The following CEACAM8 variants were observed in gnomAD, a reference collection of about 807,000 sequenced individuals.
CEACAM8 encodes the protein CEA cell adhesion molecule 8.
Under a neutral mutation model 33.4 loss-of-function variants are expected in CEACAM8, and 31 were observed. The observed-to-expected ratio is 0.93, with a 90% CI of 0.70 to 1.25. CEACAM8 has a LOEUF of 1.25. Among genes scored for constraint, CEACAM8 ranks in the 50% most tolerant of loss-of-function variants. CEACAM8 has a pLI of 0.00. For synonymous variants in CEACAM8, 138 were observed against 164.5 expected, an observed-to-expected ratio of 0.84 and a Z score of 1.23; for missense variants, 388 against 434.6, an observed-to-expected ratio of 0.89 and a Z score of 0.95.
At chr19:42,591,337 A>T (rs2042434360) in intron 2 of CEACAM8, among the ~76,000 whole-genome samples, 1 of 152,208 alleles carries the variant, frequency 6.6e-6, no homozygotes, top group South Asian at 2.1e-4. Context: ...AAGATCCTGA[A>T]GTTCGCTTGA....
chr19:42,581,823 G>GAGGTTGCA (rs1432199773), intron 5 of CEACAM8, among the ~76,000 whole-genome samples: 2 of 137,846 alleles, frequency 1.5e-5, no homozygotes, highest in African/African-American at 2.8e-5. Context: ...CTGGGAAGCA[G>GAGGTTGCA]AGGTTGCAGT....
At chr19:42,589,886 A>G in intron 2 of CEACAM8, 151 bp from the exon 3 acceptor site, 2 of 1,479,378 alleles carry the variant, frequency 1.4e-6, no homozygotes, top group African/African-American at 2.8e-5. Context: ...ACAGATGCAC[A>G]ATGATCGGGG....
rs1349927082 is a variant in CEACAM8 at position 42,588,095 on chromosome 19, C to G, written c.958+689G>C. On this transcript the variant is annotated intron_variant, in intron 4 of 5. Coordinates refer to ENST00000244336, the MANE Select transcript of CEACAM8 (RefSeq NM_001816.4). ...ATCCACAGCCTCATGCAGCCCGTGA[C>G]TTCAGAGCTAGGACACTGCTCAGGA... Among the ~76,000 whole-genome samples, 6 of 152,210 alleles carry G rather than the reference C, an allele frequency of 3.9e-5. 1 individual carries two copies. The highest frequency in any genetic ancestry group is 1.2e-4 in the African/African-American group (5 of 41,452).
intron 4 of CEACAM8, among the ~76,000 whole-genome samples, chr19:42,586,084 A>G (rs1411270227): frequency 6.6e-6 from 1 of 152,204 alleles, no homozygotes. Context: ...GCTGAAGGAA[A>G]TTAAATACGA....
chr19:42,585,971 GA>G (rs1336647567), intron 4 of CEACAM8, among the ~76,000 whole-genome samples: 1 of 151,932 alleles, frequency 6.6e-6, no homozygotes, highest in African/African-American at 2.4e-5. Flanking sequence ...AGGAAATTAA[GA>G]AAAAAATTTT....
rs1222878021 is a variant in CEACAM8 at position 42,588,772 on chromosome 19, G to A, written c.958+12C>T. ...AGAAAACATACTGCCAGTGCTCCAG[G>A]GATCCACTTACCAGAGACTGTGATC... On this transcript the variant is annotated intron_variant, in intron 4 of 5. Coordinates refer to ENST00000244336, the MANE Select transcript of CEACAM8 (RefSeq NM_001816.4). 1.9e-6 allele frequency: 3 copies of A among 1,613,624 alleles called. No individual in the cohort carries two copies. The highest frequency in any genetic ancestry group is 3.3e-5 in the Admixed American group (2 of 60,020).
intron 5 of CEACAM8, among the ~76,000 whole-genome samples, chr19:42,582,892 A>T (rs2042279677): frequency 6.6e-6 from 1 of 152,220 alleles, no homozygotes; most frequent in African/African-American, 2.4e-5. Context: ...GTCAAGCAGG[A>T]CTTCGAGCAG....
intron 4 of CEACAM8, among the ~76,000 whole-genome samples, chr19:42,584,682 G>C (rs1341090966): frequency 6.6e-6 from 1 of 152,224 alleles, no homozygotes; most frequent in Non-Finnish European, 1.5e-5. Flanking sequence ...TGAGGAATCA[G>C]AGGCTCAGAG....
Position 42,583,205 on chromosome 19 carries a change from C to A in CEACAM8, c.*40+1G>T. 2.3e-6 allele frequency: 3 copies of A among 1,300,638 alleles called. No individual in the cohort carries two copies. The highest frequency in any genetic ancestry group is 3.3e-6 in the Non-Finnish European group (3 of 901,950). The allele number at this position is 1,300,638 out of a possible 1,614,324, so 80.6% of individuals were successfully genotyped here. A position where few individuals can be genotyped will look rare whatever the true frequency, so the allele number is the denominator to read the frequency against. On this transcript the variant is annotated splice_donor_variant, in intron 5 of 5. Transcript: ENST00000244336. LOFTEE classifies it low-confidence loss of function (3UTR_SPLICE). ...CAGGACAAGAGGAAAGGCCATCATA[C>A]CTGCCAGTCTTCTTGAAATGCAGAA...
Position 42,593,560 on chromosome 19 carries a change from A to C in CEACAM8, c.405T>G (p.Thr135=). The change falls in exon 2 of 6, where the codon ACT becomes ACG. Residue 135 remains threonine, a synonymous_variant. Transcript: ENST00000244336. The part of the protein sequence containing the change: ...IKLNLMSEEV[T]GQFSVHPETP... ...ACTCACGATGTACGCTGAACTGGCC[A>C]GTTACTTCTTCACTCATAAGATTTA... 1 of 1,576,248 alleles carries C rather than the reference A, an allele frequency of 6.3e-7. No individual in the cohort carries two copies. The highest frequency in any genetic ancestry group is 8.6e-7 in the Non-Finnish European group (1 of 1,159,228).
chr19:42,589,167 C>A, intron 3 of CEACAM8, 129 bp from the exon 4 acceptor site: 1 of 1,159,254 alleles, frequency 8.6e-7, no homozygotes, highest in Non-Finnish European at 1.2e-6. Context: ...CAACCCCAAC[C>A]AAACCCCCGC....
At chr19:42,581,914 A>AAAAAAAAAAAAAAAAAC (rs2042263180) in intron 5 of CEACAM8, among the ~76,000 whole-genome samples, 1 of 91,252 alleles carries the variant, frequency 1.1e-5, no homozygotes, top group Non-Finnish European at 2.0e-5. Flanking sequence ...AAAAAAAAAA[A>AAAAAAAAAAAAAAAAAC]AAAAAAATAT....
chr19:42,584,049 G>A (rs192645749), intron 4 of CEACAM8, among the ~76,000 whole-genome samples: 2 of 152,124 alleles, frequency 1.3e-5, no homozygotes, highest in African/African-American at 4.8e-5. Flanking sequence ...ATCTCATCTT[G>A]GTTGCATCTC....
chr19:42,589,789 C>T (rs2042403119), intron 2 of CEACAM8, 54 bp from the exon 3 acceptor site: 1 of 1,611,610 alleles, frequency 6.2e-7, no homozygotes, highest in Admixed American at 1.7e-5. Context: ...GATTCCTCCA[C>T]AGGCAAATTT....
At chr19:42,593,397 CT>C in intron 2 of CEACAM8, 143 bp downstream of exon 2, 1 of 1,041,396 alleles carries the variant, frequency 9.6e-7, no homozygotes, top group Non-Finnish European at 1.4e-6. Flanking sequence ...TCTGTCTCCC[CT>C]GAGTGTGTCC....
Position 42,586,508 on chromosome 19 carries a change from T to C in CEACAM8, c.958+2276A>G, listed in dbSNP as rs1014731948. 3.3e-5 allele frequency among the ~76,000 whole-genome samples: 5 copies of C among 152,292 alleles called. No homozygotes were observed. In the East Asian group the frequency reaches 9.6e-4, roughly 29 times the overall value. On this transcript the variant is annotated intron_variant, in intron 4 of 5. Transcript: ENST00000244336. The stretch of plus-strand genomic sequence containing the variant: ...GGGAAAGTGCAGTCTTTTCAGCAAA[T>C]GATTTTGGGAAAGCTGGAAATCCAT...
Position 42,588,882 on chromosome 19 carries a change from G to A in CEACAM8, c.860C>T (p.Pro287Leu). The A allele has an allele frequency of 6.2e-7, 1 of 1,614,180 alleles. No individual in the cohort carries two copies. Among genetic ancestry groups the A allele is most frequent in the Non-Finnish European group, 8.5e-7 (1 of 1,180,040 alleles). ...FQQYTQKLFI[P>L]NITTKNSGSY... ...TCCGCTGTTCTTTGTAGTGATGTTG[G>A]GGATAAAGAGCTTTTGTGTGTATTG... The change falls in exon 4 of 6, where the codon CCC becomes CTC. Residue 287 changes from proline to leucine, a missense_variant. By Grantham distance (98) the Pro-to-Leu change is moderately conservative. Coordinates refer to ENST00000244336, the MANE Select transcript of CEACAM8 (RefSeq NM_001816.4).
rs569999812 is a variant in CEACAM8, at chr19:42,594,865, G to A, written c.-37C>T. 1.6e-5 allele frequency: 25 copies of A among 1,591,638 alleles called. No individual in the cohort carries two copies. Among genetic ancestry groups the A allele is most frequent in the Non-Finnish European group, 2.1e-5 (24 of 1,167,378 alleles). ...CCTGCGTGTTCTCCTCTGTGGAGAT[G>A]AGCCTGGGATCCAGAAACTTTCTGA... is the stretch of plus-strand genomic sequence containing the variant. On this transcript the variant is annotated 5_prime_UTR_variant, in exon 1 of 6. Coordinates refer to ENST00000244336, the MANE Select transcript of CEACAM8 (RefSeq NM_001816.4).
chr19:42,588,365 C>A (rs533154072), intron 4 of CEACAM8, among the ~76,000 whole-genome samples: 10 of 152,146 alleles, frequency 6.6e-5, no homozygotes, highest in Non-Finnish European at 1.3e-4. Context: ...ATTTGGGGAA[C>A]GTTGTGGGCT....
Sources: allele counts gnomAD v4.1 joint callset (sites outside exome capture counted in the v4.1 genomes callset), GRCh38; gene constraint gnomAD v4.1.1; transcripts MANE v1.5; gene names NCBI Gene and HGNC (gene_info 2026-07-23, HGNC 2026-07-21).